KCNMB2: variants seen among roughly 807,000 people sequenced by gnomAD.
KCNMB2 encodes calcium-activated potassium channel subunit beta-2.
Under a neutral mutation model 24.5 loss-of-function variants are expected in KCNMB2, and 9 were observed. The ratio of observed to expected loss-of-function variants is 0.37; its 90% confidence interval spans 0.22 to 0.64. KCNMB2 has a LOEUF of 0.64. Among genes scored for constraint, KCNMB2 ranks in the 30% least tolerant of loss-of-function variants. KCNMB2 has a pLI of 0.63. For missense variants in KCNMB2, 226 were observed against 284.3 expected, an observed-to-expected ratio of 0.79 and a Z score of 1.47; for synonymous variants, 109 against 104.4, an observed-to-expected ratio of 1.04 and a Z score of -0.27.
chr3:178,658,640 G>T (rs184525207), intron 1 of KCNMB2, among the ~76,000 whole-genome samples: 12 of 152,218 alleles, frequency 7.9e-5, no homozygotes, highest in African/African-American at 2.4e-4. Flanking sequence ...TGTGGGGATG[G>T]TTGCCTTCCA....
intron 1 of KCNMB2, among the ~76,000 whole-genome samples, chr3:178,569,264 A>G (rs1358811304): frequency 6.6e-6 from 1 of 152,172 alleles, no homozygotes; most frequent in African/African-American, 2.4e-5. Context: ...GAGGACTTCA[A>G]GTGAAGAGAC....
chr3:178,661,060 C>T (rs1434074402), intron 1 of KCNMB2, among the ~76,000 whole-genome samples: 1 of 151,898 alleles, frequency 6.6e-6, no homozygotes, highest in Non-Finnish European at 1.5e-5. Flanking sequence ...CATAGGTATA[C>T]ACGTGTCATG....
intron 1 of KCNMB2, among the ~76,000 whole-genome samples, chr3:178,557,030 G>C (rs1716147635): frequency 6.6e-6 from 1 of 152,174 alleles, no homozygotes; most frequent in Non-Finnish European, 1.5e-5. Flanking sequence ...GCAGGTTTGA[G>C]GGAAGGAGCC....
At chr3:178,825,362 C>T (rs146685778) in intron 2 of KCNMB2, among the ~76,000 whole-genome samples, 1 of 152,164 alleles carries the variant, frequency 6.6e-6, no homozygotes, top group Admixed American at 6.5e-5. Context: ...AGAAGGAGGG[C>T]TTATTTCTGC....
In KCNMB2 at chr3:178,720,111, C is replaced by T. The variant is rs190259459; in HGVS notation, c.-67-87232C>T. On this transcript the variant is annotated intron_variant, in intron 1 of 4. Coordinates refer to ENST00000452583, the MANE Select transcript of KCNMB2 (RefSeq NM_181361.3). ...CGTCATTTAGCATTAGGTATATCTCCCAATGCTATCCCTCCCCACTCCACC... is the reference window on the plus strand; with the variant it reads ...CGTCATTTAGCATTAGGTATATCTCTCAATGCTATCCCTCCCCACTCCACC... Among the ~76,000 whole-genome samples, 371 of 152,126 alleles carry T rather than the reference C, an allele frequency of 2.4e-3. 3 individuals are homozygous for T. Among genetic ancestry groups the T allele is most frequent in the Non-Finnish European group, 3.4e-3 (230 of 68,010 alleles).
At chr3:178,647,206 C>T (rs1719951276) in intron 1 of KCNMB2, among the ~76,000 whole-genome samples, 1 of 151,848 alleles carries the variant, frequency 6.6e-6, no homozygotes, top group Admixed American at 6.6e-5. Context: ...AGGCTGCAAC[C>T]CTTTATAAGA....
chr3:178,536,557 CTA>C lies in KCNMB2; in HGVS notation c.-220_-219del, dbSNP rs1320503419. On this transcript the variant is annotated 5_prime_UTR_variant, in exon 1 of 5. An upstream start codon of the reference 5' UTR is lost. Transcript: ENST00000452583. ...ACATTTTGAGCAGGGAGTATTAAAG[CTA>C]TGAGTTAGAAAGGGTTGTGACATTA... 2.6e-5 allele frequency: 4 copies of C among 152,176 alleles called. No individual in the cohort carries two copies. The highest frequency in any genetic ancestry group is 9.7e-5 in the African/African-American group (4 of 41,434). 9.4% of individuals were successfully genotyped at this position (152,176 alleles called of 1,614,324 possible).
At chr3:178,743,332 T>C (rs73051655) in intron 1 of KCNMB2, among the ~76,000 whole-genome samples, 3,669 of 152,260 alleles carry the variant, frequency 0.024, 157 homozygotes, top group African/African-American at 0.083. Context: ...ATTACGATGG[T>C]AACCTATCAT....
chr3:178,744,980 T>C (rs1170558053), intron 1 of KCNMB2, among the ~76,000 whole-genome samples: 1 of 152,188 alleles, frequency 6.6e-6, no homozygotes, highest in East Asian at 1.9e-4. Context: ...ACCTACTACC[T>C]GTGTGACAGG....
At chr3:178,595,059 C>CAAAAAAAA (rs57471892) in intron 1 of KCNMB2, among the ~76,000 whole-genome samples, 10,864 of 122,978 alleles carry the variant, frequency 0.088, 676 homozygotes, top group Middle Eastern at 0.15. Context: ...ACAGTATTTG[C>CAAAAAAAA]AAAAAAAAAA....
chr3:178,696,952 G>A (rs13087280), intron 1 of KCNMB2, among the ~76,000 whole-genome samples: 49,828 of 152,050 alleles, frequency 0.33, 8,885 homozygotes, highest in African/African-American at 0.47. Flanking sequence ...GAATTTGATT[G>A]TGCTGTGGTC....
intron 1 of KCNMB2, among the ~76,000 whole-genome samples, chr3:178,552,800 T>C (rs1716003235): frequency 1.3e-5 from 2 of 152,204 alleles, no homozygotes; most frequent in East Asian, 3.8e-4. Flanking sequence ...AATGTCCTAA[T>C]AAGTCACATA....
chr3:178,695,735 C>A (rs1189067240), intron 1 of KCNMB2, among the ~76,000 whole-genome samples: 3 of 152,084 alleles, frequency 2.0e-5, no homozygotes, highest in Non-Finnish European at 2.9e-5. Context: ...TGGTCAAAGC[C>A]ATTCAATAAG....
At chr3:178,813,930 ACT>A (rs1216088833) in intron 2 of KCNMB2, among the ~76,000 whole-genome samples, 1 of 151,422 alleles carries the variant, frequency 6.6e-6, no homozygotes, top group African/African-American at 2.4e-5. Context: ...AACGACCCCT[ACT>A]CTCATAACTT....
intron 2 of KCNMB2, among the ~76,000 whole-genome samples, chr3:178,813,051 G>A (rs1205861945): frequency 6.6e-6 from 1 of 152,030 alleles, no homozygotes; most frequent in African/African-American, 2.4e-5. Flanking sequence ...TAATTAATTT[G>A]TGATAAATTT....
chr3:178,665,809 T>C (rs997016458), intron 1 of KCNMB2, among the ~76,000 whole-genome samples: 4 of 152,158 alleles, frequency 2.6e-5, no homozygotes, highest in African/African-American at 9.6e-5. Context: ...ATATGTAATA[T>C]AATGCCAGGA....
At chr3:178,759,359 A>ATC (rs1370760175) in intron 1 of KCNMB2, among the ~76,000 whole-genome samples, 3 of 66,032 alleles carry the variant, frequency 4.5e-5, no homozygotes, top group East Asian at 3.6e-4. Flanking sequence ...ATATATATAT[A>ATC]TATCTCCAAG....
In KCNMB2 at chr3:178,803,701, G is replaced by C. The variant is rs371304637; in HGVS notation, c.-67-3642G>C. Among the ~76,000 whole-genome samples, 50 of 152,162 alleles carry C rather than the reference G, an allele frequency of 3.3e-4. 1 individual carries two copies. The South Asian group carries it at 0.01, about 31-fold the overall frequency. Reference sequence around the variant, plus strand: ...TAGCAGAAGTAAGTACCGAGAACTGGGAGCAGAGATGAAGAAACTGTTCAT... The same window carrying C: ...TAGCAGAAGTAAGTACCGAGAACTGCGAGCAGAGATGAAGAAACTGTTCAT... On this transcript the variant is annotated intron_variant, in intron 1 of 4. Transcript: ENST00000452583.
chr3:178,829,963 A>G (rs1357183938), intron 4 of KCNMB2, among the ~76,000 whole-genome samples: 2 of 152,186 alleles, frequency 1.3e-5, no homozygotes, highest in Non-Finnish European at 2.9e-5. Flanking sequence ...TATGACAAAC[A>G]GATTCGTAAC....
Sources: allele counts gnomAD v4.1 joint callset (sites outside exome capture counted in the v4.1 genomes callset), GRCh38; gene constraint gnomAD v4.1.1; transcripts MANE v1.5; gene names NCBI Gene and HGNC (gene_info 2026-07-23, HGNC 2026-07-21).